The following TRIOBP variants were observed in gnomAD, a reference collection of about 807,000 sequenced individuals.
TRIOBP encodes TRIO and F-actin-binding protein.
Under a neutral mutation model 238.8 loss-of-function variants are expected in TRIOBP, and 169 were observed. The observed-to-expected ratio is 0.71, with a 90% confidence interval of 0.62 to 0.80. The LOEUF is 0.80. Among genes scored for constraint, TRIOBP ranks in the 30% least tolerant of loss-of-function variants. The pLI is 0.00. For synonymous variants in TRIOBP, 1,150 were observed against 1,274.4 expected (o/e 0.90, Z 2.08); for missense variants, 2,838 against 3,122.6 (o/e 0.91, Z 2.17).
chr22:37,767,126 G>T (rs949216180), intron 18 of TRIOBP, among the ~76,000 whole-genome samples: 1 of 150,088 alleles, frequency 6.7e-6, no homozygotes, highest in Non-Finnish European at 1.5e-5. Flanking sequence ...TGGCAGGCGC[G>T]TGTAATCCCA....
chr22:37,744,869 A>G (rs921169948), intron 11 of TRIOBP, among the ~76,000 whole-genome samples: 2 of 144,628 alleles, frequency 1.4e-5, no homozygotes, highest in African/African-American at 5.8e-5. Flanking sequence ...TATAAAAGCA[A>G]TAATTTTTTT....
chr22:37,768,935 G>A lies in TRIOBP; in HGVS notation c.6576-93G>A, dbSNP rs187424471. ...AGGCAAACCTAGAGAGGGAACCCCA[G>A]AGTCCTGGGATGCTTTAAGTCTACC... On this transcript the variant is annotated intron_variant, in intron 19 of 23. Transcript: ENST00000644935. 321 of 1,582,072 alleles carry A rather than the reference G, an allele frequency of 2.0e-4. 4 individuals are homozygous for A. In the East Asian group the frequency reaches 6.8e-3, roughly 34 times the overall value.
Position 37,720,000 on chromosome 22 carries a change from CTTTT to C in TRIOBP, c.629-3162_629-3159del, listed in dbSNP as rs869261824. 1.1e-3 allele frequency among the ~76,000 whole-genome samples: 59 copies of C among 54,396 alleles called. 4 individuals carry two copies. The highest frequency in any genetic ancestry group is 2.4e-3 in the South Asian group (2 of 850). The allele number at this position is 54,396 out of a possible 152,430, so 35.7% of individuals were successfully genotyped here. The stretch of plus-strand genomic sequence containing the variant: ...ACTGTTTCACTCATCCCCCCCCGCC[CTTTT>C]TTTTTTTTTTTTTTTTTTTTTTGAG... On this transcript the variant is annotated intron_variant, in intron 6 of 23. Transcript: ENST00000644935.
Position 37,734,648 on chromosome 22 carries a change from G to T in TRIOBP, c.4312G>T (p.Gly1438Cys). The T allele has an allele frequency of 6.3e-7, 1 of 1,594,478 alleles. No individual in the cohort carries two copies. The highest frequency in any genetic ancestry group is 2.3e-5 in the East Asian group (1 of 43,888). ...QSQEEPPGSQ[G>C]PHRHLERSWS... ...TCAGGAGGAACCGCCAGGGTCCCAG[G>T]GCCCTCATAGACACCTAGAAAGGAG... is the stretch of plus-strand genomic sequence containing the variant. Residue 1438 changes from glycine (G) to cysteine (C), a missense_variant, in exon 9 of 24, where the codon GGC becomes TGC. Transcript: ENST00000644935.
At chr22:37,717,727 A>C (rs932469549) in intron 6 of TRIOBP, among the ~76,000 whole-genome samples, 1 of 152,222 alleles carries the variant, frequency 6.6e-6, no homozygotes. Context: ...CCTTAGCTAG[A>C]CATAAAGGTT....
chr22:37,728,492 G>T (rs1924284090), intron 7 of TRIOBP, among the ~76,000 whole-genome samples: 1 of 152,070 alleles, frequency 6.6e-6, no homozygotes, highest in Non-Finnish European at 1.5e-5. Flanking sequence ...TTTCCAGTAA[G>T]CTTGATCATT....
At chr22:37,728,434 C>T (rs1262714801) in intron 7 of TRIOBP, among the ~76,000 whole-genome samples, 1 of 151,672 alleles carries the variant, frequency 6.6e-6, no homozygotes, top group Non-Finnish European at 1.5e-5. Context: ...AACTCCATCT[C>T]AAAAAAAGAA....
Position 37,759,165 on chromosome 22 carries a change from TC to T in TRIOBP, c.6226del (p.Arg2076GlyfsTer18). Reference protein sequence around the residue: ...EALEKEVQALRAQLEAWRLQG... With the variant: ...EALEKEVQALXAQLEAWRLQG... ...CTTCTCCCTCGTAGGTTCAGGCTCT[TC>T]GGGCCCAGCTGGAGGCGTGGCGTCT... On this transcript the variant is annotated frameshift_variant, in exon 17 of 24. Coordinates refer to ENST00000644935, the MANE Select transcript of TRIOBP (RefSeq NM_001039141.3). LOFTEE classifies it high-confidence loss of function. 1 of 1,612,220 alleles carries T rather than the reference TC, an allele frequency of 6.2e-7. No homozygotes were observed. Among genetic ancestry groups the T allele is most frequent in the Non-Finnish European group, 8.5e-7 (1 of 1,179,674 alleles).
In TRIOBP at chr22:37,768,264, T is replaced by C; in HGVS notation, c.6575+88T>C. 3 of 1,118,044 alleles carry C rather than the reference T, an allele frequency of 2.7e-6. No individual in the cohort carries two copies. The Middle Eastern group carries it at 6.4e-4, about 240-fold the overall frequency. The allele number at this position is 1,118,044 out of a possible 1,614,324, so 69.3% of individuals were successfully genotyped here. On this transcript the variant is annotated intron_variant, in intron 19 of 23. Coordinates refer to ENST00000644935, the MANE Select transcript of TRIOBP (RefSeq NM_001039141.3). ...GGCCCCTTGGCAGCGGACACATCAGTTTGCCCCTAGCTGAGATTCCTGCTC... is the reference window on the plus strand; with the variant it reads ...GGCCCCTTGGCAGCGGACACATCAGCTTGCCCCTAGCTGAGATTCCTGCTC...
Position 37,723,126 on chromosome 22 carries a change from G to A in TRIOBP, c.629-59G>A, listed in dbSNP as rs1020735191. 81 of 1,576,746 alleles carry A rather than the reference G, an allele frequency of 5.1e-5. No homozygotes were observed. In the Admixed American group the frequency reaches 1.4e-3, roughly 26 times the overall value. On this transcript the variant is annotated intron_variant, in intron 6 of 23. Transcript: ENST00000644935. ...TGGTCCTAAGGGACAAAGAAAGGTA[G>A]AATATGAGAGCTGCCTGGACCTCTC...
rs1240174629 is a variant in TRIOBP, at chr22:37,733,327, C to A, written c.3977C>A (p.Ala1326Asp). 2 of 1,551,240 alleles carry A rather than the reference C, an allele frequency of 1.3e-6. No homozygotes were observed. Among genetic ancestry groups the A allele is most frequent in the Non-Finnish European group, 8.7e-7 (1 of 1,147,290 alleles). Residue 1326 changes from alanine to aspartate, a missense_variant, in exon 8 of 24, where the codon GCC (alanine) becomes GAC (aspartate). Ala to Asp is a moderately radical substitution (Grantham distance 126, BLOSUM62 -2). Coordinates refer to ENST00000644935, the MANE Select transcript of TRIOBP (RefSeq NM_001039141.3). The stretch of plus-strand genomic sequence containing the variant: ...TCCGAGGCAGCGGGGGCCTTCCAGG[C>A]CCAGGACGAGGGACGGTCACAGCAG... ...RKSEAAGAFQAQDEGRSQQPS... is the reference protein window; with the variant it reads ...RKSEAAGAFQDQDEGRSQQPS...
intron 15 of TRIOBP, among the ~76,000 whole-genome samples, chr22:37,757,234 A>G (rs1347429807): frequency 6.6e-6 from 1 of 152,116 alleles, no homozygotes; most frequent in African/African-American, 2.4e-5. Context: ...GTGGTGGTGC[A>G]TGTCTGTAGT....
At chr22:37,763,528 A>G (rs1368544173) in intron 17 of TRIOBP, among the ~76,000 whole-genome samples, 1 of 152,132 alleles carries the variant, frequency 6.6e-6, no homozygotes, top group Admixed American at 6.5e-5. Flanking sequence ...TGGGGGAGAC[A>G]GTCCCTCATC....
intron 7 of TRIOBP, among the ~76,000 whole-genome samples, chr22:37,729,882 A>G (rs143226687): frequency 6.6e-6 from 1 of 152,294 alleles, no homozygotes; most frequent in African/African-American, 2.4e-5. Flanking sequence ...TAAGGGACAG[A>G]CTGGAGCTTA....
At chr22:37,719,975 A>C (rs1923735130) in intron 6 of TRIOBP, among the ~76,000 whole-genome samples, 10 of 112,160 alleles carry the variant, frequency 8.9e-5, no homozygotes, top group South Asian at 3.1e-4. Flanking sequence ...CACTGCACTC[A>C]CTGTTTCACT....
rs1454135400 is a variant in TRIOBP, at chr22:37,725,918, G to A, written c.3362G>A (p.Arg1121Gln). The change falls in exon 7 of 24, where the codon CGG becomes CAG. Residue 1121 changes from arginine (R) to glutamine (Q), a missense_variant. By Grantham distance (43) the Arg-to-Gln change is conservative (BLOSUM62 1). Transcript: ENST00000644935. ...TGTATTGGGTACCGAGATGCACCCC[G>A]GGCCTCCTCCCCACCACGCCAGGCC... ...PVCIGYRDAP[R>Q]ASSPPRQAPE... The A allele has an allele frequency of 5.6e-6, 9 of 1,612,618 alleles. No individual in the cohort carries two copies. The highest frequency in any genetic ancestry group is 5.0e-5 in the Admixed American group (3 of 59,880).
chr22:37,732,377 G>A (rs1206755143), intron 7 of TRIOBP, among the ~76,000 whole-genome samples: 1 of 152,086 alleles, frequency 6.6e-6, no homozygotes, highest in Non-Finnish European at 1.5e-5. Flanking sequence ...CAGGCGTGGT[G>A]GCTCATGCCT....
At chr22:37,768,036 C>A (rs748366516) in intron 18 of TRIOBP, 38 bp from the exon 19 acceptor site, 4 of 1,559,322 alleles carry the variant, frequency 2.6e-6, no homozygotes, top group Admixed American at 1.8e-5. Context: ...TGCTGACCCC[C>A]CTCCAGTCTC....
chr22:37,712,280 C>T (rs930801230), intron 4 of TRIOBP, among the ~76,000 whole-genome samples: 1 of 151,374 alleles, frequency 6.6e-6, no homozygotes, highest in Non-Finnish European at 1.5e-5. Flanking sequence ...CTCAGCCTCC[C>T]GAGTAGCTGG....
Sources: allele counts gnomAD v4.1 joint callset (sites outside exome capture counted in the v4.1 genomes callset), GRCh38; gene constraint gnomAD v4.1.1; transcripts MANE v1.5; gene names NCBI Gene and HGNC (gene_info 2026-07-23, HGNC 2026-07-21).